PCDHGB1: variants seen among roughly 807,000 people sequenced by gnomAD.
The protein encoded by PCDHGB1 is protocadherin gamma subfamily B, 1.
PCDHGB1 carries 34 observed loss-of-function variants against 56.6 expected under a neutral mutation model. That is an observed-to-expected ratio of 0.60 (90% confidence interval 0.46 to 0.80). The LOEUF is 0.80. Ranked by LOEUF, PCDHGB1 falls within the 30% of genes least tolerant of loss-of-function variation. The pLI, the probability that PCDHGB1 is intolerant of heterozygous loss-of-function variation, is 0.00. For missense variants in PCDHGB1, 1,278 were observed against 1,204.6 expected (o/e 1.06, Z -0.90); for synonymous variants, 561 against 505.9 (o/e 1.11, Z -1.46).
intron 1 of PCDHGB1, among the ~76,000 whole-genome samples, chr5:141,446,323 A>G (rs1372501599): frequency 6.6e-6 from 1 of 152,216 alleles, no homozygotes. Flanking sequence ...GGGTTTCCAC[A>G]TTAAGGAACT....
At position 141,414,140 on chromosome 5, in the gene PCDHGB1, A is replaced by G. The variant is rs764980296; in HGVS notation, c.2409+61471A>G. ...GAAGAAACCGGTTTCTATGAAATAG[A>G]AATACAAGCAGAAGATGGAGGAGCA... On this transcript the variant is annotated intron_variant, in intron 1 of 3. Transcript: ENST00000523390. 4 of 1,596,912 alleles carry G rather than the reference A, an allele frequency of 2.5e-6. No individual in the cohort carries two copies. In the African/African-American group the frequency reaches 5.4e-5, roughly 21 times the overall value.
intron 2 of PCDHGB1, among the ~76,000 whole-genome samples, chr5:141,498,994 AAGGAAGGAAGG>A (rs2099788184): frequency 2.0e-5 from 3 of 148,560 alleles, no homozygotes; most frequent in Non-Finnish European, 4.5e-5. Flanking sequence ...GGAAGGAAGG[AAGGAAGGAAGG>A]AAGGAAGGAA....
At chr5:141,375,926 G>T (rs1450226627) in intron 1 of PCDHGB1, 1 of 1,613,758 alleles carries the variant, frequency 6.2e-7, no homozygotes, top group South Asian at 1.1e-5. Flanking sequence ...CAGCGAGCCA[G>T]GACTTTTCTC....
At chr5:141,357,720 C>T (rs1760710135) in intron 1 of PCDHGB1, 1 of 1,425,466 alleles carries the variant, frequency 7.0e-7, no homozygotes, top group Non-Finnish European at 9.4e-7. Context: ...ATAAAGTTGC[C>T]TCTTTTAATA....
At chr5:141,373,996 C>A in intron 1 of PCDHGB1, 1 of 1,266,244 alleles carries the variant, frequency 7.9e-7, no homozygotes, top group South Asian at 2.2e-5. Context: ...TGTTGAAGGA[C>A]CTTCACCGCT....
In PCDHGB1 at chr5:141,351,952, G is replaced by T. The variant is rs1205013199; in HGVS notation, c.1692G>T (p.Gly564=). The T allele has an allele frequency of 1.2e-6, 2 of 1,613,070 alleles. No individual in the cohort carries two copies. Among genetic ancestry groups the T allele is most frequent in the Middle Eastern group, 1.7e-4 (1 of 5,972 alleles). ...CACGGGTGCTGTACCCCGCGCTGGG[G>T]CCTGATGGCTCCGCCCTCTTCGATA... ...NAPRVLYPAL[G]PDGSALFDMV... The change falls in exon 1 of 4, where the codon GGG becomes GGT. Residue 564 remains glycine (G), a synonymous_variant. Coordinates refer to ENST00000523390, the MANE Select transcript of PCDHGB1 (RefSeq NM_018922.3).
At chr5:141,444,670 C>G (rs1174911888) in intron 1 of PCDHGB1, among the ~76,000 whole-genome samples, 1 of 152,052 alleles carries the variant, frequency 6.6e-6, no homozygotes, top group African/African-American at 2.4e-5. Context: ...CCATTTTTTT[C>G]AATACCATTT....
chr5:141,393,787 G>A (rs1267376494), intron 1 of PCDHGB1: 3 of 1,613,930 alleles, frequency 1.9e-6, no homozygotes, highest in Non-Finnish European at 2.5e-6. Flanking sequence ...GAAGATGTGG[G>A]GGCACTTCTG....
chr5:141,483,289 A>G (rs1446467890), intron 1 of PCDHGB1, among the ~76,000 whole-genome samples: 3 of 152,194 alleles, frequency 2.0e-5, no homozygotes, highest in Admixed American at 2.0e-4. Flanking sequence ...TCTGTCAGTC[A>G]TAAGTGAAGG....
intron 1 of PCDHGB1, among the ~76,000 whole-genome samples, chr5:141,463,725 C>A (rs1259646105): frequency 6.6e-6 from 1 of 152,026 alleles, no homozygotes. Flanking sequence ...GGATTACAGG[C>A]ATGAGCCACC....
chr5:141,363,428 A>G (rs1396844187), intron 1 of PCDHGB1, among the ~76,000 whole-genome samples: 2 of 152,214 alleles, frequency 1.3e-5, no homozygotes, highest in African/African-American at 4.8e-5. Context: ...CTGTCTCAAC[A>G]TAGAAAGGTC....
In PCDHGB1 at chr5:141,352,164, G is replaced by A. The variant is rs775400971; in HGVS notation, c.1904G>A (p.Arg635His). ...ARALGDRDAA[R>H]QRLLVAVRDG... Reference sequence around the variant, plus strand: ...GCCTTGGGCGACAGGGACGCGGCCCGCCAGCGCCTGCTGGTCGCTGTGCGT... The same window carrying A: ...GCCTTGGGCGACAGGGACGCGGCCCACCAGCGCCTGCTGGTCGCTGTGCGT... The change falls in exon 1 of 4, where the codon CGC (arginine) becomes CAC (histidine). Residue 635 changes from arginine to histidine, a missense_variant. Coordinates refer to ENST00000523390, the MANE Select transcript of PCDHGB1 (RefSeq NM_018922.3). 3 of 1,613,176 alleles carry A rather than the reference G, an allele frequency of 1.9e-6. No individual in the cohort carries two copies. Among genetic ancestry groups the A allele is most frequent in the South Asian group, 1.1e-5 (1 of 91,048 alleles).
chr5:141,407,676 T>C (rs990367714), intron 1 of PCDHGB1, among the ~76,000 whole-genome samples: 1 of 152,162 alleles, frequency 6.6e-6, no homozygotes, highest in African/African-American at 2.4e-5. Flanking sequence ...TAAACAAAGA[T>C]TGGCTTTGTG....
rs2099710385 is a variant in PCDHGB1 at position 141,491,296 on chromosome 5, G to A, written c.2410-3511G>A. 6.2e-7 allele frequency: 1 copy of A among 1,614,034 alleles called. No individual in the cohort carries two copies. Among genetic ancestry groups the A allele is most frequent in the African/African-American group, 1.3e-5 (1 of 74,924 alleles). Reference sequence around the variant, plus strand: ...CAGTGACTTCCTCATACACCCTCCTGAGCGTTCAGACCTTACCCTTTACCT... The same window carrying A: ...CAGTGACTTCCTCATACACCCTCCTAAGCGTTCAGACCTTACCCTTTACCT... On this transcript the variant is annotated intron_variant, in intron 1 of 3. Transcript: ENST00000523390. The surrounding 1 kb of genome is among the most constrained non-coding windows in gnomAD (Gnocchi z 6.9).
At position 141,490,551 on chromosome 5, in the gene PCDHGB1, T is replaced by C; in HGVS notation, c.2410-4256T>C. On this transcript the variant is annotated intron_variant, in intron 1 of 3. Coordinates refer to ENST00000523390, the MANE Select transcript of PCDHGB1 (RefSeq NM_018922.3). The surrounding 1 kb of genome is among the most constrained non-coding windows in gnomAD (Gnocchi z 5.4). ...CTGGTTCACCTTCCCTACACAAACA[T>C]CTCACCATCAGGCTCAACATTTCAG... 1 of 1,614,088 alleles carries C rather than the reference T, an allele frequency of 6.2e-7. No individual in the cohort carries two copies. The highest frequency in any genetic ancestry group is 1.1e-5 in the South Asian group (1 of 91,086).
rs767842302 is a variant in PCDHGB1 at position 141,381,979 on chromosome 5, G to A, written c.2409+29310G>A. Among the ~76,000 whole-genome samples the A allele has an allele frequency of 2.6e-5, 4 of 151,486 alleles. 1 individual carries two copies. Among genetic ancestry groups the A allele is most frequent in the East Asian group, 3.9e-4 (2 of 5,156 alleles). On this transcript the variant is annotated intron_variant, in intron 1 of 3. Transcript: ENST00000523390. ...TGAGTAGCTGGGATTACAGGCGCGCGCCACCACGCCCGGATAATTTTGTAT... is the reference window on the plus strand; with the variant it reads ...TGAGTAGCTGGGATTACAGGCGCGCACCACCACGCCCGGATAATTTTGTAT...
chr5:141,430,108 G>A (rs572634913), intron 1 of PCDHGB1, among the ~76,000 whole-genome samples: 1 of 152,190 alleles, frequency 6.6e-6, no homozygotes, highest in South Asian at 2.1e-4. Context: ...AGCGTTACAT[G>A]TCAACAACCT....
At chr5:141,387,714 A>G in intron 1 of PCDHGB1, 1 of 1,059,158 alleles carries the variant, frequency 9.4e-7, no homozygotes, top group East Asian at 2.6e-5. Context: ...GCCCCAGCTC[A>G]GACTCCCCAG....
intron 1 of PCDHGB1, among the ~76,000 whole-genome samples, chr5:141,402,680 TATA>T (rs1441272447): frequency 2.4e-4 from 36 of 152,348 alleles, no homozygotes; most frequent in African/African-American, 7.9e-4. Context: ...AGCCATCTGA[TATA>T]ATGTTACACA....
Sources: gnomAD v4.1 joint callset for allele counts (sites outside exome capture counted in the v4.1 genomes callset) on GRCh38, gnomAD v4.1.1 for gene constraint, Gnocchi (gnomAD v3.1) non-coding constraint, MANE v1.5 for transcripts, NCBI Gene and HGNC (gene_info 2026-07-23, HGNC 2026-07-21) for gene names.